NFASC: variants seen among roughly 807,000 people sequenced by gnomAD.
NFASC encodes the protein neurofascin.
NFASC carries 43 observed loss-of-function variants against 147.5 expected under a neutral mutation model. The observed-to-expected ratio is 0.29, with a 90% confidence interval of 0.23 to 0.38. The LOEUF (loss-of-function observed/expected upper bound fraction) is 0.38. Ranked by LOEUF, NFASC falls within the 10% of genes least tolerant of loss-of-function variation. The pLI, the probability that NFASC is intolerant of heterozygous loss-of-function variation, is 1.00. For missense variants in NFASC, 1,320 were observed against 1,689.0 expected, an observed-to-expected ratio of 0.78 and a Z score of 3.83; for synonymous variants, 622 against 665.5, an observed-to-expected ratio of 0.93 and a Z score of 1.01.
intron 1 of NFASC, among the ~76,000 whole-genome samples, chr1:204,898,679 C>T (rs1482271809): frequency 1.3e-5 from 2 of 152,148 alleles, no homozygotes; most frequent in South Asian, 2.1e-4. Context: ...GACGGGGGAG[C>T]AGAGACCCAG....
chr1:204,878,366 G>A (rs11240298), intron 1 of NFASC, among the ~76,000 whole-genome samples: 20,542 of 152,068 alleles, frequency 0.14, 2,640 homozygotes, highest in East Asian at 0.69. Flanking sequence ...AGTTTTCGCC[G>A]TTAAAAAAAC....
chr1:204,900,663 A>G (rs900682984), intron 1 of NFASC, among the ~76,000 whole-genome samples: 2 of 152,162 alleles, frequency 1.3e-5, no homozygotes, highest in African/African-American at 4.8e-5. Context: ...TTAAGCAGGC[A>G]GGGGAGACAG....
chr1:204,930,042 G>A (rs780832608), intron 2 of NFASC, among the ~76,000 whole-genome samples: 3 of 152,306 alleles, frequency 2.0e-5, no homozygotes, highest in South Asian at 2.1e-4. Context: ...ATGCCTAGCC[G>A]ATCCCTGGGC....
chr1:204,870,872 A>G (rs2077565226), intron 1 of NFASC: 2 of 1,188,872 alleles, frequency 1.7e-6, no homozygotes, highest in Middle Eastern at 3.8e-4. Flanking sequence ...GATTCCACCC[A>G]GGGCAGGGCT....
At chr1:204,853,562 G>A (rs926270667) in intron 1 of NFASC, among the ~76,000 whole-genome samples, 1 of 152,192 alleles carries the variant, frequency 6.6e-6, no homozygotes, top group Non-Finnish European at 1.5e-5. Flanking sequence ...TTATAACCTG[G>A]AGCCAGTGCT....
chr1:204,870,719 A>G, intron 1 of NFASC: 1 of 1,106,708 alleles, frequency 9.0e-7, no homozygotes, highest in Non-Finnish European at 1.1e-6. Context: ...TTATTAATAA[A>G]CAAGTGTATT....
chr1:204,930,761 T>C (rs192201439), intron 2 of NFASC, among the ~76,000 whole-genome samples: 8 of 152,264 alleles, frequency 5.3e-5, no homozygotes, highest in East Asian at 3.9e-4. Context: ...ATTTGCACTG[T>C]GGAGAAGGAA....
intron 2 of NFASC, among the ~76,000 whole-genome samples, chr1:204,930,790 G>A (rs553569742): frequency 7.9e-5 from 12 of 152,342 alleles, no homozygotes; most frequent in East Asian, 3.9e-4. Flanking sequence ...CATTTCTGGC[G>A]TCAGCAAAGT....
chr1:204,927,128 T>G (rs1378460185), intron 2 of NFASC, among the ~76,000 whole-genome samples: 1 of 152,044 alleles, frequency 6.6e-6, no homozygotes, highest in Non-Finnish European at 1.5e-5. Flanking sequence ...ATTCAGTGAT[T>G]TTTAGTGCCC....
intron 2 of NFASC, chr1:204,929,594 G>C (rs148219370): frequency 6.6e-6 from 1 of 152,544 alleles, no homozygotes; most frequent in Non-Finnish European, 1.5e-5. Context: ...GATTGTGTGG[G>C]CAGACTGACT....
intron 1 of NFASC, among the ~76,000 whole-genome samples, chr1:204,874,100 GA>G (rs1207845360): frequency 1.3e-5 from 2 of 152,156 alleles, no homozygotes; most frequent in African/African-American, 4.8e-5. Flanking sequence ...ATTAGCACAG[GA>G]GTAGGAAGGA....
chr1:204,952,744 G>A lies in NFASC; in HGVS notation c.215+628G>A, dbSNP rs113288496. On this transcript the variant is annotated intron_variant, in intron 5 of 29. Transcript: ENST00000339876. ...GATAAGCATCGGAGACATGACAGAC[G>A]TTATTATCTGCCCCCATCCCCATCC... 6.6e-3 allele frequency among the ~76,000 whole-genome samples: 1,006 copies of A among 152,300 alleles called. 16 individuals carry two copies. The highest frequency in any genetic ancestry group is 0.023 in the African/African-American group (948 of 41,546).
intron 1 of NFASC, among the ~76,000 whole-genome samples, chr1:204,876,640 C>T (rs1373010493): frequency 1.3e-5 from 2 of 152,154 alleles, no homozygotes; most frequent in East Asian, 1.9e-4. Context: ...AACCGCCATT[C>T]TACTTTCTCT....
chr1:204,924,108 A>G (rs2091053069), intron 2 of NFASC, among the ~76,000 whole-genome samples: 1 of 152,246 alleles, frequency 6.6e-6, no homozygotes, highest in Non-Finnish European at 1.5e-5. Flanking sequence ...CCAGACTTCT[A>G]GACAAATGGT....
intron 1 of NFASC, among the ~76,000 whole-genome samples, chr1:204,878,660 T>G (rs59133404): frequency 0.051 from 7,738 of 152,322 alleles, 648 homozygotes; most frequent in African/African-American, 0.18. Flanking sequence ...TCAGCCATGA[T>G]CAACACTTGG....
chr1:204,860,341 C>T (rs974731924), intron 1 of NFASC, among the ~76,000 whole-genome samples: 1 of 152,184 alleles, frequency 6.6e-6, no homozygotes, highest in African/African-American at 2.4e-5. Context: ...TTATGAAAGG[C>T]CTGATAAGTT....
intron 17 of NFASC, among the ~76,000 whole-genome samples, chr1:204,978,004 T>C (rs1304881739): frequency 3.3e-5 from 5 of 152,216 alleles, no homozygotes; most frequent in Non-Finnish European, 5.9e-5. Flanking sequence ...CAGGGTGGCC[T>C]GTCCTCCCAG....
At chr1:204,938,399 C>T (rs1354056916) in intron 2 of NFASC, among the ~76,000 whole-genome samples, 1 of 152,224 alleles carries the variant, frequency 6.6e-6, no homozygotes, top group Admixed American at 6.5e-5. Flanking sequence ...GTGCCCCATG[C>T]TTTACCAAGT....
chr1:204,982,547 T>C (rs1388095927), intron 21 of NFASC, among the ~76,000 whole-genome samples: 1 of 152,238 alleles, frequency 6.6e-6, no homozygotes, highest in Non-Finnish European at 1.5e-5. Context: ...CAGCCCCTCC[T>C]GGTGCTCCCG....
Sources: gnomAD v4.1 joint callset for allele counts (sites outside exome capture counted in the v4.1 genomes callset) on GRCh38, gnomAD v4.1.1 for gene constraint, MANE v1.5 for transcripts, NCBI Gene and HGNC (gene_info 2026-07-23, HGNC 2026-07-21) for gene names.